CAST: variants seen among roughly 807,000 people sequenced by gnomAD.
CAST encodes calpastatin, also known as MIR583 host.
In CAST, 76 loss-of-function variants were observed where a neutral mutation model predicts 119.6. The observed-to-expected ratio is 0.64, with a 90% CI of 0.53 to 0.77. CAST has a LOEUF of 0.77. Ranked by LOEUF, CAST falls within the 30% of genes least tolerant of loss-of-function variation. CAST has a pLI of 0.00. For missense variants in CAST, 953 were observed against 946.5 expected, an observed-to-expected ratio of 1.01 and a Z score of -0.09; for synonymous variants, 319 against 331.6, an observed-to-expected ratio of 0.96 and a Z score of 0.41.
At chr5:96,391,036 G>A in the CAST span, 1 of 152,424 alleles carries the variant, frequency 6.6e-6, no homozygotes, top group Non-Finnish European at 1.5e-5. Flanking sequence ...GCCTTTCCGG[G>A]CCAATCTAAG....
the CAST span, among the ~76,000 whole-genome samples, chr5:95,982,421 A>G: frequency 3.3e-5 from 5 of 152,088 alleles, no homozygotes; most frequent in Admixed American, 3.3e-4. Context: ...CACAGAGGAA[A>G]TTCTCTTGTG....
upstream of CAST, among the ~76,000 whole-genome samples, chr5:96,659,094 T>C (rs1367586671): frequency 6.6e-6 from 1 of 152,258 alleles, no homozygotes; most frequent in East Asian, 1.9e-4. Flanking sequence ...AATTAAATTC[T>C]CTGTCTTCTA....
chr5:95,985,792 G>A, the CAST span, among the ~76,000 whole-genome samples: 5 of 152,220 alleles, frequency 3.3e-5, no homozygotes, highest in Middle Eastern at 3.4e-3. Flanking sequence ...CCTTGGGCAC[G>A]TATTACTATT....
the CAST span, among the ~76,000 whole-genome samples, chr5:96,428,021 A>C: frequency 6.6e-6 from 1 of 151,916 alleles, no homozygotes; most frequent in East Asian, 1.9e-4. Flanking sequence ...TAGATGAGCT[A>C]TACGGTCACT....
intron 24 of CAST, 85 bp downstream of exon 24, chr5:96,757,739 G>C: frequency 2.3e-6 from 2 of 853,952 alleles, no homozygotes; most frequent in Non-Finnish European, 3.7e-6. Context: ...CATCCAGGCG[G>C]GAGTACAGTG....
At chr5:96,183,681 T>C in the CAST span, among the ~76,000 whole-genome samples, 1 of 152,188 alleles carries the variant, frequency 6.6e-6, no homozygotes, top group African/African-American at 2.4e-5. Context: ...TTGCTCTTTG[T>C]GGTAGTGTAA....
At chr5:96,561,796 G>GTTTTTTGGTTT (rs1746370956) in intron 1 of CAST, among the ~76,000 whole-genome samples, 1 of 97,422 alleles carries the variant, frequency 1.0e-5, no homozygotes, top group Admixed American at 1.4e-4. Flanking sequence ...GTTTTTTTTT[G>GTTTTTTGGTTT]TTTTTTTTTT....
the CAST span, among the ~76,000 whole-genome samples, chr5:96,248,999 T>C: frequency 6.6e-6 from 1 of 152,208 alleles, no homozygotes; most frequent in African/African-American, 2.4e-5. Context: ...TACTTATAGC[T>C]GTTTGTGGAG....
At chr5:96,552,855 A>G (rs1746161734) in intron 1 of CAST, among the ~76,000 whole-genome samples, 1 of 152,196 alleles carries the variant, frequency 6.6e-6, no homozygotes, top group East Asian at 1.9e-4. Context: ...CCAAGACTAA[A>G]CGAGGAAGAA....
At chr5:96,478,817 A>G in the CAST span, among the ~76,000 whole-genome samples, 2 of 152,246 alleles carry the variant, frequency 1.3e-5, no homozygotes, top group African/African-American at 4.8e-5. Context: ...GGGCACTGAC[A>G]TTGGAGCTCA....
chr5:96,560,534 G>A (rs1457235578), intron 1 of CAST, among the ~76,000 whole-genome samples: 1 of 152,174 alleles, frequency 6.6e-6, no homozygotes, highest in African/African-American at 2.4e-5. Flanking sequence ...ATCAAAAAGT[G>A]GGCAAAGGAT....
At chr5:96,103,886 T>A in the CAST span, among the ~76,000 whole-genome samples, 518 of 151,680 alleles carry the variant, frequency 3.4e-3, 2 homozygotes, top group African/African-American at 4.4e-3. Context: ...TTTTAATGAT[T>A]GCCATTCTAA....
the CAST span, chr5:96,432,204 G>C: frequency 7.4e-7 from 1 of 1,344,780 alleles, no homozygotes; most frequent in Non-Finnish European, 1.0e-6. Flanking sequence ...CCAGTGAAAA[G>C]CCGGAGCTCC....
chr5:96,640,773 G>C (rs751586349), intron 1 of CAST, among the ~76,000 whole-genome samples: 1 of 152,214 alleles, frequency 6.6e-6, no homozygotes, highest in Non-Finnish European at 1.5e-5. Context: ...CACTGGGTAT[G>C]CTTGATGGGG....
chr5:96,633,768 G>C (rs550258673), intron 1 of CAST, among the ~76,000 whole-genome samples: 1 of 152,334 alleles, frequency 6.6e-6, no homozygotes, highest in South Asian at 2.1e-4. Context: ...AATGAAGCTA[G>C]CTAGAGGGAA....
chr5:96,284,373 T>C, the CAST span, among the ~76,000 whole-genome samples: 2 of 152,188 alleles, frequency 1.3e-5, no homozygotes, highest in Admixed American at 1.3e-4. Context: ...GGGGTGCTAA[T>C]AATCAGGTCT....
the CAST span, among the ~76,000 whole-genome samples, chr5:95,991,439 A>T: frequency 6.6e-6 from 1 of 151,184 alleles, no homozygotes; most frequent in African/African-American, 2.4e-5. Flanking sequence ...ATACAGTTTG[A>T]TAGAAGAAAT....
chr5:96,138,226 G>C, the CAST span, among the ~76,000 whole-genome samples: 1 of 151,822 alleles, frequency 6.6e-6, no homozygotes, highest in Non-Finnish European at 1.5e-5. Context: ...AACTGTTTCA[G>C]CACCATTTAT....
Position 96,558,983 on chromosome 5 carries a change from G to A in CAST, c.60+29103G>A, listed in dbSNP as rs1405943978. Among the ~76,000 whole-genome samples, 5 of 152,100 alleles carry A rather than the reference G, an allele frequency of 3.3e-5. No individual in the cohort carries two copies. The South Asian group carries it at 1.0e-3, about 32-fold the overall frequency. ...ATAAACTACTGGCAAACCGAATCCA[G>A]CAGCACATCAAAAAGCTTATCCACC... On this transcript the variant is annotated intron_variant, in intron 1 of 11. Coordinates refer to the CAST transcript ENST00000505143.
Sources: gnomAD v4.1 joint callset for allele counts (sites outside exome capture counted in the v4.1 genomes callset) on GRCh38, gnomAD v4.1.1 for gene constraint, MANE v1.5 for transcripts, NCBI Gene and HGNC (gene_info 2026-07-23, HGNC 2026-07-21) for gene names.